CNTN3: variants seen among roughly 807,000 people sequenced by gnomAD.
CNTN3 encodes the protein contactin 3.
CNTN3 carries 60 observed loss-of-function variants against 119.1 expected under a neutral mutation model. The ratio of observed to expected loss-of-function variants is 0.50; its 90% CI spans 0.41 to 0.62. CNTN3 has a LOEUF of 0.62. Among genes scored for constraint, CNTN3 ranks in the 20% least tolerant of loss-of-function variants. The pLI is 0.00. For synonymous variants in CNTN3, 450 were observed against 438.7 expected (o/e 1.03, Z -0.32); for missense variants, 1,101 against 1,242.4 (o/e 0.89, Z 1.71).
At chr3:74,539,437 A>C (rs1703810320) in intron 1 of CNTN3, among the ~76,000 whole-genome samples, 1 of 152,114 alleles carries the variant, frequency 6.6e-6, no homozygotes, top group Admixed American at 6.5e-5. Flanking sequence ...AAGGAAACTA[A>C]GGCTTAGGGC....
chr3:74,467,174 A>T (rs531988888), intron 4 of CNTN3, among the ~76,000 whole-genome samples: 2 of 152,278 alleles, frequency 1.3e-5, no homozygotes, highest in South Asian at 4.1e-4. Flanking sequence ...ACACAGAAAG[A>T]TTATGGCAGA....
intron 5 of CNTN3, among the ~76,000 whole-genome samples, chr3:74,376,647 C>T (rs1704481602): frequency 6.6e-6 from 1 of 151,994 alleles, no homozygotes; most frequent in Admixed American, 6.6e-5. Context: ...ATAAAGTACA[C>T]CATAGATAAA....
chr3:74,559,234 G>T (rs1175598344), intron 1 of CNTN3, among the ~76,000 whole-genome samples: 1 of 152,068 alleles, frequency 6.6e-6, no homozygotes, highest in African/African-American at 2.4e-5. Flanking sequence ...AAATGAGGAA[G>T]GCAGATGAAA....
chr3:74,471,442 A>C (rs1299991191), intron 4 of CNTN3, among the ~76,000 whole-genome samples: 2 of 152,194 alleles, frequency 1.3e-5, no homozygotes, highest in African/African-American at 4.8e-5. Flanking sequence ...TTCCTTAAAA[A>C]TCATGAACTC....
intron 4 of CNTN3, among the ~76,000 whole-genome samples, chr3:74,460,772 CAT>C (rs71129755): frequency 0.014 from 1,190 of 87,346 alleles, 5 homozygotes; most frequent in South Asian, 0.021. Context: ...TTCTTATTTT[CAT>C]ATATATATAT....
At chr3:74,529,203 T>A (rs1703660091) in intron 1 of CNTN3, among the ~76,000 whole-genome samples, 1 of 151,952 alleles carries the variant, frequency 6.6e-6, no homozygotes, top group Admixed American at 6.6e-5. Flanking sequence ...TTTTAAATAT[T>A]CTTCAGTGTA....
intron 2 of CNTN3, among the ~76,000 whole-genome samples, chr3:74,508,077 C>T (rs994955769): frequency 6.6e-6 from 1 of 152,136 alleles, no homozygotes; most frequent in African/African-American, 2.4e-5. Flanking sequence ...TGTGTCTCCA[C>T]CCAAATCTCA....
chr3:74,449,982 T>C (rs575763576), intron 4 of CNTN3, among the ~76,000 whole-genome samples: 106 of 152,248 alleles, frequency 7.0e-4, no homozygotes, highest in African/African-American at 2.5e-3. Context: ...TTTGTTATGA[T>C]CATATGTAGT....
chr3:74,368,063 C>T (rs1704242008), intron 8 of CNTN3, among the ~76,000 whole-genome samples: 1 of 151,980 alleles, frequency 6.6e-6, no homozygotes, highest in African/African-American at 2.4e-5. Flanking sequence ...GTGCTATATA[C>T]ATTCTAAACT....
At chr3:74,376,980 G>A (rs1263435434) in intron 5 of CNTN3, among the ~76,000 whole-genome samples, 6 of 150,978 alleles carry the variant, frequency 4.0e-5, no homozygotes, top group African/African-American at 1.5e-4. Flanking sequence ...TAATTGGAAA[G>A]CCTCAAGAAG....
rs538318318 is a variant in CNTN3, at chr3:74,568,028, A to G, written c.-81+46363T>C. Among the ~76,000 whole-genome samples, 191 of 152,316 alleles carry G rather than the reference A, an allele frequency of 1.3e-3. 2 individuals are homozygous for G. Among genetic ancestry groups the G allele is most frequent in the Middle Eastern group, 3.4e-3 (1 of 294 alleles). On this transcript the variant is annotated intron_variant, in intron 1 of 22. Transcript: ENST00000263665. The stretch of plus-strand genomic sequence containing the variant: ...AAGAACATTCCCAAAGGCAGCCCCC[A>G]CTTTTTCTAAACCAAAATAGAAAGA...
chr3:74,606,901 C>A (rs1241371496), intron 1 of CNTN3, among the ~76,000 whole-genome samples: 1 of 152,086 alleles, frequency 6.6e-6, no homozygotes, highest in Non-Finnish European at 1.5e-5. Flanking sequence ...ACTAATGAAA[C>A]AACAGCGCAA....
intron 1 of CNTN3, among the ~76,000 whole-genome samples, chr3:74,561,097 G>A (rs1704146544): frequency 6.6e-6 from 1 of 151,020 alleles, no homozygotes; most frequent in South Asian, 2.1e-4. Context: ...AATGGGTGCA[G>A]CACGCCAACA....
chr3:74,573,915 G>A (rs1377021299), intron 1 of CNTN3, among the ~76,000 whole-genome samples: 1 of 152,076 alleles, frequency 6.6e-6, no homozygotes. Context: ...TAAACCTAGA[G>A]TTACTATGTG....
intron 13 of CNTN3, among the ~76,000 whole-genome samples, chr3:74,311,217 A>G (rs1702677972): frequency 6.6e-6 from 1 of 152,168 alleles, no homozygotes; most frequent in Non-Finnish European, 1.5e-5. Context: ...AGATCACACT[A>G]TTTTTATTAC....
chr3:74,479,939 A>T (rs1377633022), intron 4 of CNTN3, among the ~76,000 whole-genome samples: 1 of 152,104 alleles, frequency 6.6e-6, no homozygotes, highest in Non-Finnish European at 1.5e-5. Flanking sequence ...AAAATCAATA[A>T]GTAAAATAAT....
intron 4 of CNTN3, among the ~76,000 whole-genome samples, chr3:74,475,299 A>G (rs905731355): frequency 6.6e-6 from 1 of 152,240 alleles, no homozygotes; most frequent in African/African-American, 2.4e-5. Flanking sequence ...ACAAAATTAA[A>G]TCAAATGCAT....
intron 13 of CNTN3, among the ~76,000 whole-genome samples, chr3:74,319,308 CA>C (rs1355338642): frequency 1.3e-5 from 2 of 152,088 alleles, no homozygotes; most frequent in African/African-American, 4.8e-5. Flanking sequence ...CTACTGGTAC[CA>C]AAACAGAGAT....
At chr3:74,590,452 T>C (rs551674323) in intron 1 of CNTN3, among the ~76,000 whole-genome samples, 1 of 152,020 alleles carries the variant, frequency 6.6e-6, no homozygotes, top group Admixed American at 6.6e-5. Flanking sequence ...GAACGGGTGG[T>C]GAATGAATGT....
Sources: allele counts gnomAD v4.1 joint callset (sites outside exome capture counted in the v4.1 genomes callset), GRCh38; gene constraint gnomAD v4.1.1; transcripts MANE v1.5; gene names NCBI Gene and HGNC (gene_info 2026-07-23, HGNC 2026-07-21).